EPYC: variants seen among roughly 807,000 people sequenced by gnomAD.
The protein encoded by EPYC is epiphycan, also known as dermatan sulfate proteoglycan 3.
In EPYC, 28 loss-of-function variants were observed where a neutral mutation model predicts 30.1. The observed-to-expected ratio is 0.93, with a 90% CI of 0.69 to 1.28. The LOEUF (loss-of-function observed/expected upper bound fraction) is 1.28. Ranked by LOEUF, EPYC falls within the 50% of genes most tolerant of loss-of-function variation. The pLI is 0.00. For missense variants in EPYC, 382 were observed against 383.5 expected, an observed-to-expected ratio of 1.00 and a Z score of 0.03; for synonymous variants, 144 against 141.4, an observed-to-expected ratio of 1.02 and a Z score of -0.13.
At chr12:90,972,751 A>G (rs755265811) in intron 4 of EPYC, 71 bp downstream of exon 4, 217 of 1,335,908 alleles carry the variant, frequency 1.6e-4, no homozygotes, top group Non-Finnish European at 2.1e-4. Context: ...TCTCAGTGCT[A>G]ACATTTAACA....
intron 6 of EPYC, among the ~76,000 whole-genome samples, chr12:90,967,907 C>A (rs560150290): frequency 4.9e-4 from 74 of 152,098 alleles, no homozygotes; most frequent in Non-Finnish European, 9.1e-4. Flanking sequence ...GTGTTTGAGG[C>A]TGTGGTAAGC....
chr12:90,993,787 TAAG>T (rs1473016624), intron 2 of EPYC, among the ~76,000 whole-genome samples: 6 of 151,832 alleles, frequency 4.0e-5, no homozygotes, highest in Middle Eastern at 3.4e-3. Context: ...ATTATTGAAC[TAAG>T]ATTTATATTT....
intron 6 of EPYC, among the ~76,000 whole-genome samples, chr12:90,966,388 T>A (rs76912709): frequency 0.054 from 8,179 of 152,216 alleles, 311 homozygotes; most frequent in Middle Eastern, 0.088. Context: ...TCTTGACATC[T>A]ATTGAAATAA....
chr12:90,971,905 A>T lies in EPYC; in HGVS notation c.597T>A (p.Arg199=), dbSNP rs1225422211. 1 of 1,612,436 alleles carries T rather than the reference A, an allele frequency of 6.2e-7. No individual in the cohort carries two copies. The highest frequency in any genetic ancestry group is 1.1e-5 in the South Asian group (1 of 90,900). Residue 199 remains arginine (R), a synonymous_variant, in exon 5 of 7, where the codon CGT becomes CGA. Coordinates refer to ENST00000261172, the MANE Select transcript of EPYC (RefSeq NM_004950.5). The part of the protein sequence containing the change: ...KLPQLRELVL[R]DNKIRQLPEL... Reference sequence around the variant, plus strand: ...CTGGGAGCTGCCTTATTTTGTTGTCACGCAGGACAAGCTCTCGAAGTTGAG... The same window carrying T: ...CTGGGAGCTGCCTTATTTTGTTGTCTCGCAGGACAAGCTCTCGAAGTTGAG...
intron 2 of EPYC, among the ~76,000 whole-genome samples, chr12:90,986,660 C>T (rs1877455144): frequency 6.6e-6 from 1 of 152,138 alleles, no homozygotes; most frequent in Admixed American, 6.5e-5. Context: ...AAAGCCACTT[C>T]AGCTGAGGCC....
chr12:90,988,660 G>A (rs1204234412), intron 2 of EPYC, among the ~76,000 whole-genome samples: 2 of 152,126 alleles, frequency 1.3e-5, no homozygotes, highest in African/African-American at 4.8e-5. Context: ...TAAGGCAAAA[G>A]TTGAAAATGT....
chr12:91,003,972 T>C (rs955181813), intron 1 of EPYC, among the ~76,000 whole-genome samples: 2 of 152,096 alleles, frequency 1.3e-5, no homozygotes, highest in Non-Finnish European at 2.9e-5. Context: ...AATAAATTTC[T>C]TATTCACACA....
chr12:90,987,072 G>A (rs188863109), intron 2 of EPYC, among the ~76,000 whole-genome samples: 14 of 152,168 alleles, frequency 9.2e-5, no homozygotes, highest in South Asian at 4.1e-4. Context: ...ATTATAAAAT[G>A]GTTAAAGTTG....
intron 5 of EPYC, among the ~76,000 whole-genome samples, chr12:90,970,888 C>T (rs1384713823): frequency 6.6e-6 from 1 of 152,162 alleles, no homozygotes; most frequent in Non-Finnish European, 1.5e-5. Context: ...ATTACATGTT[C>T]AGTGTACACT....
intron 6 of EPYC, among the ~76,000 whole-genome samples, chr12:90,966,172 A>C (rs376346564): frequency 1.3e-5 from 2 of 152,032 alleles, no homozygotes; most frequent in Admixed American, 1.3e-4. Context: ...GCCAGGCTCA[A>C]TACTGAATAG....
intron 2 of EPYC, among the ~76,000 whole-genome samples, chr12:90,992,242 G>A (rs561287863): frequency 6.6e-6 from 1 of 152,156 alleles, no homozygotes; most frequent in Non-Finnish European, 1.5e-5. Context: ...ACAGGAGGTG[G>A]AGCTCAGGCA....
Position 90,989,979 on chromosome 12 carries a change from C to G in EPYC, c.166-11717G>C, listed in dbSNP as rs186569041. ...CAAAGTCAGTTCATATTCCCTACCC[C>G]CTTATTGCCCTTGTTCCCCATGTAA... On this transcript the variant is annotated intron_variant, in intron 2 of 6. Coordinates refer to ENST00000261172, the MANE Select transcript of EPYC (RefSeq NM_004950.5). Among the ~76,000 whole-genome samples, 167 of 152,088 alleles carry G rather than the reference C, an allele frequency of 1.1e-3. 2 individuals carry two copies. The East Asian group carries it at 0.026, about 24-fold the overall frequency.
chr12:90,967,925 A>T (rs1475558988), intron 6 of EPYC, among the ~76,000 whole-genome samples: 1 of 152,314 alleles, frequency 6.6e-6, no homozygotes, highest in Non-Finnish European at 1.5e-5. Context: ...AGCTATGATC[A>T]TACTACTGCA....
chr12:90,989,797 T>C (rs1877540989), intron 2 of EPYC, among the ~76,000 whole-genome samples: 1 of 152,160 alleles, frequency 6.6e-6, no homozygotes, highest in East Asian at 1.9e-4. Context: ...CTACTTCAGC[T>C]TTATCCCAGT....
intron 1 of EPYC, among the ~76,000 whole-genome samples, chr12:91,003,743 T>C (rs945941972): frequency 2.0e-5 from 3 of 152,110 alleles, no homozygotes; most frequent in Admixed American, 1.3e-4. Flanking sequence ...GGGTTTACTT[T>C]AAGAACAGTA....
intron 6 of EPYC, among the ~76,000 whole-genome samples, chr12:90,968,808 C>T (rs1482651340): frequency 6.6e-6 from 1 of 151,900 alleles, no homozygotes; most frequent in East Asian, 1.9e-4. Context: ...TCTCTAAGTA[C>T]TCCCTTGGAA....
intron 5 of EPYC, among the ~76,000 whole-genome samples, chr12:90,971,375 AT>A (rs1877039072): frequency 1.3e-5 from 2 of 152,208 alleles, no homozygotes; most frequent in African/African-American, 4.8e-5. Flanking sequence ...ACTAAATTAA[AT>A]CCCCTTATAG....
At chr12:90,981,963 G>A (rs1054905126) in intron 2 of EPYC, among the ~76,000 whole-genome samples, 3 of 151,986 alleles carry the variant, frequency 2.0e-5, no homozygotes, top group Non-Finnish European at 4.4e-5. Flanking sequence ...AACCAGATTC[G>A]ATTCCTACCT....
intron 2 of EPYC, among the ~76,000 whole-genome samples, chr12:91,002,145 G>A (rs952542237): frequency 7.9e-6 from 1 of 126,986 alleles, no homozygotes; most frequent in Non-Finnish European, 1.6e-5. Flanking sequence ...AGCCAAGACT[G>A]CGACACTGCA....
Sources: allele counts gnomAD v4.1 joint callset (sites outside exome capture counted in the v4.1 genomes callset), GRCh38; gene constraint gnomAD v4.1.1; transcripts MANE v1.5; gene names NCBI Gene and HGNC (gene_info 2026-07-23, HGNC 2026-07-21).